Variants in LRBA observed in about 807,000 individuals in gnomAD.
The protein encoded by LRBA is LPS responsive beige-like anchor protein, also known as lipopolysaccharide-responsive and beige-like anchor protein.
LRBA carries 176 observed loss-of-function variants against 330.0 expected under a neutral mutation model. The ratio of observed to expected loss-of-function variants is 0.53; its 90% CI spans 0.47 to 0.60. The LOEUF is 0.60. Ranked by LOEUF, LRBA falls within the 20% of genes least tolerant of loss-of-function variation. The pLI is 0.00. For synonymous variants in LRBA, 1,230 were observed against 1,193.0 expected (o/e 1.03, Z -0.64); for missense variants, 3,259 against 3,444.8 (o/e 0.95, Z 1.35).
At chr4:150,835,242 G>C (rs1747850319) in intron 28 of LRBA, among the ~76,000 whole-genome samples, 1 of 152,160 alleles carries the variant, frequency 6.6e-6, no homozygotes, top group South Asian at 2.1e-4. Flanking sequence ...GTAGTGTGAT[G>C]CCTCCAGCTT....
At chr4:150,432,057 T>C (rs1313395886) in intron 46 of LRBA, among the ~76,000 whole-genome samples, 1 of 152,126 alleles carries the variant, frequency 6.6e-6, no homozygotes. Flanking sequence ...TTTAAGATAT[T>C]CAAGTAACAG....
chr4:150,868,011 G>C (rs1485792077), intron 21 of LRBA, 148 bp from the exon 22 acceptor site: 1 of 891,300 alleles, frequency 1.1e-6, no homozygotes, highest in African/African-American at 1.7e-5. Context: ...ATTCGACAAT[G>C]TGGTACTAAA....
intron 36 of LRBA, among the ~76,000 whole-genome samples, chr4:150,731,261 C>G (rs1730419258): frequency 6.6e-6 from 1 of 152,034 alleles, no homozygotes; most frequent in Non-Finnish European, 1.5e-5. Flanking sequence ...AATAGAGCTA[C>G]CGTATGATCC....
intron 2 of LRBA, among the ~76,000 whole-genome samples, chr4:150,975,070 C>T (rs1739993372): frequency 6.6e-6 from 1 of 152,138 alleles, no homozygotes. Context: ...ATCAGGAATA[C>T]AATCCAGAAA....
chr4:150,533,084 A>T (rs1338871148), intron 40 of LRBA, among the ~76,000 whole-genome samples: 1 of 152,184 alleles, frequency 6.6e-6, no homozygotes, highest in Non-Finnish European at 1.5e-5. Flanking sequence ...ATCCTGAAAA[A>T]AATGTTCTTC....
chr4:150,640,029 T>G (rs1347808657), intron 37 of LRBA, among the ~76,000 whole-genome samples: 1 of 150,380 alleles, frequency 6.6e-6, no homozygotes, highest in Admixed American at 6.6e-5. Context: ...ACTAATTTTT[T>G]GTATTTTTAG....
chr4:150,623,057 G>C (rs1023951975), intron 37 of LRBA, among the ~76,000 whole-genome samples: 2 of 152,108 alleles, frequency 1.3e-5, no homozygotes, highest in East Asian at 1.9e-4. Context: ...CTGCAAGCAA[G>C]ATTGCCCACC....
chr4:150,372,659 C>G (rs1345767904), intron 47 of LRBA, among the ~76,000 whole-genome samples: 1 of 147,260 alleles, frequency 6.8e-6, no homozygotes, highest in Non-Finnish European at 1.5e-5. Flanking sequence ...CAATACTTAA[C>G]TTCTTAAAGC....
chr4:150,276,636 AAAG>A (rs1409143329), intron 56 of LRBA, among the ~76,000 whole-genome samples: 1 of 152,248 alleles, frequency 6.6e-6, no homozygotes, highest in African/African-American at 2.4e-5. Flanking sequence ...ACACTTCTCA[AAAG>A]AAGACATTTA....
chr4:150,378,946 C>G (rs1195833237), intron 47 of LRBA, among the ~76,000 whole-genome samples: 6 of 151,954 alleles, frequency 3.9e-5, no homozygotes, highest in African/African-American at 1.5e-4. Flanking sequence ...GTTATATATT[C>G]TTACTATTGT....
At chr4:150,572,209 G>A (rs888342622) in intron 40 of LRBA, among the ~76,000 whole-genome samples, 2 of 151,936 alleles carry the variant, frequency 1.3e-5, no homozygotes, top group South Asian at 2.1e-4. Flanking sequence ...GTCATTAAAC[G>A]ATCCTTCTAC....
chr4:150,813,906 T>C (rs1323833100), intron 31 of LRBA, among the ~76,000 whole-genome samples: 1 of 152,130 alleles, frequency 6.6e-6, no homozygotes. Context: ...GTGCATTAAA[T>C]GCATTTTCAA....
At chr4:150,559,188 G>C (rs1561349704) in intron 40 of LRBA, among the ~76,000 whole-genome samples, 1 of 152,118 alleles carries the variant, frequency 6.6e-6, no homozygotes, top group African/African-American at 2.4e-5. Context: ...TGTCAAGAAA[G>C]ACAAAGATAG....
At chr4:150,676,586 C>T (rs1287516203) in intron 37 of LRBA, among the ~76,000 whole-genome samples, 3 of 152,154 alleles carry the variant, frequency 2.0e-5, no homozygotes, top group Admixed American at 6.5e-5. Context: ...TGTCAACAAA[C>T]TTCAAGGCTG....
chr4:150,567,270 C>T (rs556343547), intron 40 of LRBA, among the ~76,000 whole-genome samples: 2 of 151,990 alleles, frequency 1.3e-5, no homozygotes, highest in Non-Finnish European at 2.9e-5. Context: ...CATGTCGCAA[C>T]ATTTCAGAGT....
intron 41 of LRBA, among the ~76,000 whole-genome samples, chr4:150,489,589 TTATATAAGAATATATAATATATAA>T (rs1343101412): frequency 0.15 from 8,682 of 58,872 alleles, 936 homozygotes; most frequent in Middle Eastern, 0.24. Flanking sequence ...ATATAATATA[TTATATAAGAATATATAATATATAA>T]TATATAAGAA....
intron 47 of LRBA, among the ~76,000 whole-genome samples, chr4:150,405,278 T>C (rs1261413230): frequency 6.6e-6 from 1 of 152,180 alleles, no homozygotes; most frequent in Non-Finnish European, 1.5e-5. Flanking sequence ...GAATATTCAA[T>C]TGTTAGTAAT....
intron 37 of LRBA, among the ~76,000 whole-genome samples, chr4:150,606,868 G>C (rs9997018): frequency 0.88 from 134,704 of 152,230 alleles, 60,338 homozygotes; most frequent in Non-Finnish European, 0.95. Context: ...TACATGAAGA[G>C]AAGGGTTTAT....
At position 150,477,675 on chromosome 4, in the gene LRBA, T is replaced by C. The variant is rs950720983; in HGVS notation, c.6552-5936A>G. 3.3e-5 allele frequency among the ~76,000 whole-genome samples: 5 copies of C among 152,128 alleles called. No homozygotes were observed. The South Asian group carries it at 8.3e-4, about 25-fold the overall frequency. On this transcript the variant is annotated intron_variant, in intron 42 of 56. Transcript: ENST00000651943. The stretch of plus-strand genomic sequence containing the variant: ...TGGGGCCTGGTGGGAGGTGATTATA[T>C]CATGGGGTAAATTTCCCCCTTGCTG...
Sources: allele counts gnomAD v4.1 joint callset (sites outside exome capture counted in the v4.1 genomes callset), GRCh38; gene constraint gnomAD v4.1.1; transcripts MANE v1.5; gene names NCBI Gene and HGNC (gene_info 2026-07-23, HGNC 2026-07-21).